The following NBAS variants were observed in gnomAD, a reference collection of about 807,000 sequenced individuals.
The protein encoded by NBAS is NAG/BC035112 fusion.
NBAS carries 219 observed loss-of-function variants against 302.5 expected under a neutral mutation model. That is an observed-to-expected ratio of 0.72 (90% CI 0.65 to 0.81). The LOEUF is 0.81. Among genes scored for constraint, NBAS ranks in the 30% least tolerant of loss-of-function variants. The probability of loss-of-function intolerance (pLI) is 0.00; values close to 1 mark genes in which losing one functional copy is unlikely to be tolerated. For missense variants in NBAS, 2,932 were observed against 2,841.6 expected, an observed-to-expected ratio of 1.03 and a Z score of -0.72; for synonymous variants, 1,118 against 1,021.6, an observed-to-expected ratio of 1.09 and a Z score of -1.80.
At chr2:15,086,512 T>G in the NBAS span, among the ~76,000 whole-genome samples, 1 of 152,208 alleles carries the variant, frequency 6.6e-6, no homozygotes, top group Non-Finnish European at 1.5e-5. Flanking sequence ...GCTTGCCATA[T>G]TGCAGACAGA....
intron 48 of NBAS, among the ~76,000 whole-genome samples, chr2:15,205,945 T>C (rs1158408860): frequency 6.6e-6 from 1 of 152,012 alleles, no homozygotes; most frequent in Non-Finnish European, 1.5e-5. Context: ...AGGACTAATA[T>C]AGAAAATCAG....
rs200413917 is a variant in NBAS, at chr2:15,308,282, G to A, written c.4731C>T (p.Tyr1577=). The A allele has an allele frequency of 3.7e-6, 6 of 1,614,198 alleles. No homozygotes were observed. In the East Asian group the frequency reaches 1.1e-4, roughly 30 times the overall value. The change falls in exon 40 of 52, where the codon TAC becomes TAT. Residue 1577 remains tyrosine (Y), a synonymous_variant. Transcript: ENST00000281513. ...ATCGGGCATAGATCTGGAGGCTATA[G>A]TAATACGCTGCCAGCTGGAGAGATA... The part of the protein sequence containing the change: ...SALSLQLAAY[Y]YSLQIYARLA...
the NBAS span, among the ~76,000 whole-genome samples, chr2:14,859,677 A>T: frequency 2.6e-5 from 4 of 152,108 alleles, no homozygotes; most frequent in African/African-American, 9.6e-5. Flanking sequence ...AATACACAAA[A>T]ATCAAATCAA....
intron 26 of NBAS, 100 bp downstream of exon 26, chr2:15,402,068 T>A: frequency 7.6e-7 from 1 of 1,309,834 alleles, no homozygotes; most frequent in Non-Finnish European, 1.1e-6. Flanking sequence ...TTTTTCACAT[T>A]CCCAAAATTC....
chr2:15,201,906 C>T (rs1665893978), intron 48 of NBAS, among the ~76,000 whole-genome samples: 1 of 152,158 alleles, frequency 6.6e-6, no homozygotes, highest in Admixed American at 6.5e-5. Context: ...GAGAAGATCT[C>T]CTGCACAGAA....
At chr2:15,200,255 G>A (rs1030326155) in intron 48 of NBAS, among the ~76,000 whole-genome samples, 2 of 152,058 alleles carry the variant, frequency 1.3e-5, no homozygotes, top group Non-Finnish European at 2.9e-5. Context: ...GACAGGACAG[G>A]AAAAGAAGAC....
intron 31 of NBAS, among the ~76,000 whole-genome samples, chr2:15,368,490 A>T (rs1674331071): frequency 6.6e-6 from 1 of 152,028 alleles, no homozygotes. Flanking sequence ...GAGCCAATGC[A>T]CCTGGCCTAG....
intron 10 of NBAS, among the ~76,000 whole-genome samples, chr2:15,510,115 T>C (rs1662069342): frequency 2.0e-5 from 3 of 152,242 alleles, no homozygotes; most frequent in South Asian, 4.1e-4. Context: ...CCCAAAGTGA[T>C]GGGATTACAG....
At chr2:15,005,061 T>C in the NBAS span, among the ~76,000 whole-genome samples, 1 of 152,180 alleles carries the variant, frequency 6.6e-6, no homozygotes, top group Non-Finnish European at 1.5e-5. Flanking sequence ...TTTTGGCAAG[T>C]CTAAGTTACT....
At chr2:14,972,264 C>T in the NBAS span, among the ~76,000 whole-genome samples, 16 of 151,830 alleles carry the variant, frequency 1.1e-4, no homozygotes, top group Non-Finnish European at 1.9e-4. Context: ...AACACAGACA[C>T]AGGGAGGGGA....
chr2:15,092,550 A>G, the NBAS span, among the ~76,000 whole-genome samples: 38 of 152,056 alleles, frequency 2.5e-4, no homozygotes, highest in Non-Finnish European at 5.0e-4. Flanking sequence ...CACATTTTGT[A>G]CTGCAAATAT....
At chr2:15,321,528 A>T (rs545076296) in intron 38 of NBAS, among the ~76,000 whole-genome samples, 1 of 152,156 alleles carries the variant, frequency 6.6e-6, no homozygotes, top group Admixed American at 6.5e-5. Context: ...GAATCTACAA[A>T]GAACTGAAAC....
At chr2:14,801,318 G>A in the NBAS span, among the ~76,000 whole-genome samples, 1 of 151,782 alleles carries the variant, frequency 6.6e-6, no homozygotes, top group Non-Finnish European at 1.5e-5. Flanking sequence ...TATATTATTA[G>A]GTTGCTTGAA....
the NBAS span, among the ~76,000 whole-genome samples, chr2:15,106,814 T>G: frequency 6.6e-6 from 1 of 151,814 alleles, no homozygotes. Flanking sequence ...TAGAGGGAGG[T>G]AATACAGTTG....
At chr2:14,881,266 C>A in the NBAS span, among the ~76,000 whole-genome samples, 3 of 152,110 alleles carry the variant, frequency 2.0e-5, no homozygotes, top group African/African-American at 7.2e-5. Context: ...AACATAAAAT[C>A]AAATACCACA....
chr2:15,049,193 C>T, the NBAS span, among the ~76,000 whole-genome samples: 1 of 152,242 alleles, frequency 6.6e-6, no homozygotes, highest in African/African-American at 2.4e-5. Context: ...ACCCTTCCAC[C>T]TGCACCCCCA....
At chr2:15,231,917 T>C (rs1667398117) in intron 47 of NBAS, among the ~76,000 whole-genome samples, 1 of 152,202 alleles carries the variant, frequency 6.6e-6, no homozygotes, top group African/African-American at 2.4e-5. Flanking sequence ...TCAGTATCAT[T>C]GTACCTGAAT....
At chr2:14,999,509 C>A in the NBAS span, among the ~76,000 whole-genome samples, 5 of 152,044 alleles carry the variant, frequency 3.3e-5, no homozygotes, top group African/African-American at 1.2e-4. Context: ...TGATAGTGAA[C>A]GAGTTCTCAG....
intron 23 of NBAS, among the ~76,000 whole-genome samples, chr2:15,417,920 T>C (rs886410989): frequency 6.6e-6 from 1 of 152,086 alleles, no homozygotes; most frequent in Non-Finnish European, 1.5e-5. Flanking sequence ...AATCAAACAA[T>C]CAGCAAGAAA....
Sources: gnomAD v4.1 joint callset for allele counts (sites outside exome capture counted in the v4.1 genomes callset) on GRCh38, gnomAD v4.1.1 for gene constraint, MANE v1.5 for transcripts, NCBI Gene and HGNC (gene_info 2026-07-23, HGNC 2026-07-21) for gene names.